The following CNTN5 variants were observed in gnomAD, a reference collection of about 807,000 sequenced individuals.
CNTN5 encodes the protein contactin-5.
Under a neutral mutation model 129.1 loss-of-function variants are expected in CNTN5, and 77 were observed. That is an observed-to-expected ratio of 0.60 (90% CI 0.50 to 0.72). CNTN5 has a LOEUF of 0.72. CNTN5 is among the 30% of genes least tolerant of loss of function. CNTN5 has a pLI of 0.00. For synonymous variants in CNTN5, 509 were observed against 465.6 expected (o/e 1.09, Z -1.20); for missense variants, 1,478 against 1,328.8 (o/e 1.11, Z -1.75).
intron 3 of CNTN5, among the ~76,000 whole-genome samples, chr11:99,620,492 ACT>A (rs1162056006): frequency 2.9e-5 from 4 of 137,032 alleles, no homozygotes; most frequent in South Asian, 2.4e-4. Flanking sequence ...GGATCTTAAA[ACT>A]CTTTTTTTCT....
chr11:99,413,824 T>C (rs1942512136), intron 2 of CNTN5, among the ~76,000 whole-genome samples: 1 of 152,146 alleles, frequency 6.6e-6, no homozygotes, highest in African/African-American at 2.4e-5. Context: ...GACTTCACCA[T>C]CTGCAAGTGA....
In CNTN5 at chr11:99,989,595, T is replaced by C. The variant is rs780278750; in HGVS notation, c.878-12439T>C. ...AAAAGCATTTTAAATTATGAACTTA[T>C]TGTAAAATATTTGTTTCTGATTACA... On this transcript the variant is annotated intron_variant, in intron 8 of 24. Transcript: ENST00000524871. 2.6e-5 allele frequency among the ~76,000 whole-genome samples: 4 copies of C among 152,316 alleles called. No individual in the cohort carries two copies. In the South Asian group the frequency reaches 6.2e-4, roughly 24 times the overall value.
At chr11:100,167,828 G>C (rs937836435) in intron 13 of CNTN5, among the ~76,000 whole-genome samples, 1 of 151,974 alleles carries the variant, frequency 6.6e-6, no homozygotes, top group East Asian at 1.9e-4. Flanking sequence ...CAAATGCCAA[G>C]ACAGGCCAAA....
At chr11:99,103,540 T>C (rs1406123607) in intron 1 of CNTN5, among the ~76,000 whole-genome samples, 1 of 152,182 alleles carries the variant, frequency 6.6e-6, no homozygotes, top group Non-Finnish European at 1.5e-5. Flanking sequence ...ATTTATAGCA[T>C]GGATTCATAT....
intron 1 of CNTN5, among the ~76,000 whole-genome samples, chr11:99,213,444 A>ACG (rs1491248768): frequency 3.5e-5 from 5 of 144,178 alleles, no homozygotes; most frequent in African/African-American, 1.3e-4. Flanking sequence ...ATATATACAC[A>ACG]TATATGTATA....
At chr11:99,186,757 G>A (rs1159199916) in intron 1 of CNTN5, among the ~76,000 whole-genome samples, 1 of 151,914 alleles carries the variant, frequency 6.6e-6, no homozygotes, top group African/African-American at 2.4e-5. Flanking sequence ...AGACCAGAGG[G>A]AAGGCAAGAG....
chr11:99,651,557 T>C (rs1450327818), intron 3 of CNTN5, among the ~76,000 whole-genome samples: 2 of 152,006 alleles, frequency 1.3e-5, no homozygotes, highest in African/African-American at 4.8e-5. Flanking sequence ...TAGACTTTCA[T>C]GAATCATACT....
At chr11:99,022,501 A>G (rs953504361) in intron 1 of CNTN5, among the ~76,000 whole-genome samples, 10 of 152,140 alleles carry the variant, frequency 6.6e-5, no homozygotes, top group Non-Finnish European at 1.3e-4. Flanking sequence ...ATATTCTCCT[A>G]TTTCATGCTC....
intron 1 of CNTN5, among the ~76,000 whole-genome samples, chr11:99,145,231 G>T (rs934753464): frequency 6.6e-6 from 1 of 151,962 alleles, no homozygotes; most frequent in Non-Finnish European, 1.5e-5. Context: ...AACCATGCCT[G>T]GCTAATTTTT....
chr11:99,825,222 C>T (rs972657108), intron 4 of CNTN5, among the ~76,000 whole-genome samples: 6 of 151,918 alleles, frequency 3.9e-5, no homozygotes, highest in South Asian at 2.1e-4. Flanking sequence ...AGGATGTTTT[C>T]GCTTTTCCCT....
intron 7 of CNTN5, among the ~76,000 whole-genome samples, chr11:99,928,524 C>T (rs182484610): frequency 1.3e-5 from 2 of 152,336 alleles, no homozygotes; most frequent in Non-Finnish European, 2.9e-5. Context: ...CCTCCAGGCT[C>T]AACACCACAT....
intron 21 of CNTN5, among the ~76,000 whole-genome samples, chr11:100,310,177 A>G (rs1180199536): frequency 6.6e-6 from 1 of 151,890 alleles, no homozygotes; most frequent in Admixed American, 6.6e-5. Context: ...ATTAGTGTGA[A>G]TTCACTCTAA....
intron 1 of CNTN5, among the ~76,000 whole-genome samples, chr11:99,040,905 G>A (rs1227950908): frequency 6.6e-6 from 1 of 151,938 alleles, no homozygotes; most frequent in Non-Finnish European, 1.5e-5. Context: ...ACAATTTTAG[G>A]GCTCATTATT....
At chr11:99,672,334 G>T (rs624132) in intron 3 of CNTN5, among the ~76,000 whole-genome samples, 147,532 of 151,970 alleles carry the variant, frequency 0.97, 71,775 homozygotes, top group East Asian at 1. Context: ...TTTTTTCTTA[G>T]TAGGCTTGAC....
chr11:100,295,450 A>T (rs867282227), intron 18 of CNTN5, among the ~76,000 whole-genome samples: 8 of 151,292 alleles, frequency 5.3e-5, no homozygotes, highest in Middle Eastern at 3.4e-3. Flanking sequence ...GTTTTTTTTT[A>T]ATTTTTTACT....
chr11:99,204,180 T>G (rs1275461705), intron 1 of CNTN5, among the ~76,000 whole-genome samples: 2 of 152,240 alleles, frequency 1.3e-5, no homozygotes, highest in African/African-American at 4.8e-5. Context: ...AATCGTTAAT[T>G]CTCTCAGATT....
intron 1 of CNTN5, among the ~76,000 whole-genome samples, chr11:99,233,820 C>A (rs1299289092): frequency 6.6e-6 from 1 of 152,076 alleles, no homozygotes; most frequent in Non-Finnish European, 1.5e-5. Flanking sequence ...GTGGCAGGCA[C>A]CTGTGGTCCC....
rs546693721 is a variant in CNTN5 at position 99,084,722 on chromosome 11, CAGTTTT to C, written c.-210+63454_-210+63459del. ...TAATATTGTGCTAATAATATGATATCAGTTTTAAAGTGTGGGAAAAAAAGTGCTCTA... is the reference window on the plus strand; with the variant it reads ...TAATATTGTGCTAATAATATGATATCAAAGTGTGGGAAAAAAAGTGCTCTA... On this transcript the variant is annotated intron_variant, in intron 1 of 24. Coordinates refer to ENST00000524871, the MANE Select transcript of CNTN5 (RefSeq NM_014361.4). Among the ~76,000 whole-genome samples the C allele has an allele frequency of 1.1e-3, 172 of 152,084 alleles. 1 individual carries two copies. Among genetic ancestry groups the C allele is most frequent in the African/African-American group, 3.9e-3 (163 of 41,482 alleles).
At chr11:99,767,484 G>A (rs1194487262) in intron 3 of CNTN5, among the ~76,000 whole-genome samples, 2 of 151,920 alleles carry the variant, frequency 1.3e-5, no homozygotes, top group African/African-American at 4.8e-5. Flanking sequence ...TCTAAGTAAT[G>A]GTATTCAATT....
Sources: allele counts gnomAD v4.1 joint callset (sites outside exome capture counted in the v4.1 genomes callset), GRCh38; gene constraint gnomAD v4.1.1; transcripts MANE v1.5; gene names NCBI Gene and HGNC (gene_info 2026-07-23, HGNC 2026-07-21).